PPP4R2: variants seen among roughly 807,000 people sequenced by gnomAD.
PPP4R2 encodes the protein serine/threonine-protein phosphatase 4 regulatory subunit 2.
A neutral mutation model predicts 47.2 loss-of-function variants in PPP4R2; 13 were observed. The observed-to-expected ratio is 0.28, with a 90% CI of 0.18 to 0.44. The LOEUF is 0.44. PPP4R2 is among the 20% of genes least tolerant of loss of function. PPP4R2 has a pLI of 1.00. For synonymous variants in PPP4R2, 151 were observed against 163.3 expected, an observed-to-expected ratio of 0.92 and a Z score of 0.57; for missense variants, 421 against 491.2, an observed-to-expected ratio of 0.86 and a Z score of 1.35.
chr3:73,030,814 G>C (rs944727485), intron 2 of PPP4R2, among the ~76,000 whole-genome samples: 1 of 151,810 alleles, frequency 6.6e-6, no homozygotes, highest in Non-Finnish European at 1.5e-5. Context: ...CAATTATCCT[G>C]CCTCAGCCTC....
At chr3:73,026,918 T>C (rs1457545300) in intron 2 of PPP4R2, among the ~76,000 whole-genome samples, 1 of 152,148 alleles carries the variant, frequency 6.6e-6, no homozygotes, top group Non-Finnish European at 1.5e-5. Context: ...CTGTTACTTA[T>C]TACCTGTGCA....
chr3:72,997,932 T>G, intron 1 of PPP4R2, 145 bp from the exon 2 acceptor site: 2 of 656,454 alleles, frequency 3.0e-6, no homozygotes, highest in Non-Finnish European at 2.7e-6. Context: ...ACTTGGAGGA[T>G]TGAGGTGGTA....
chr3:73,059,517 C>T (rs34660350), intron 4 of PPP4R2, among the ~76,000 whole-genome samples: 81,156 of 151,958 alleles, frequency 0.53, 22,022 homozygotes, highest in African/African-American at 0.62. Flanking sequence ...TGGAAACTTA[C>T]TGGTGCCAAG....
At chr3:73,046,950 A>C (rs1361382268) in intron 2 of PPP4R2, among the ~76,000 whole-genome samples, 1 of 152,180 alleles carries the variant, frequency 6.6e-6, no homozygotes, top group South Asian at 2.1e-4. Flanking sequence ...AGTTCATTTA[A>C]AAGATCTAAA....
chr3:73,036,297 A>T (rs1029117421), intron 2 of PPP4R2, among the ~76,000 whole-genome samples: 1 of 152,228 alleles, frequency 6.6e-6, no homozygotes, highest in Non-Finnish European at 1.5e-5. Flanking sequence ...ACAAAAGTAC[A>T]GTCAGATAAA....
chr3:73,062,072 G>C (rs1702871468), intron 5 of PPP4R2: 7 of 1,521,280 alleles, frequency 4.6e-6, no homozygotes, highest in Non-Finnish European at 5.3e-6. Flanking sequence ...TCAAGTCATA[G>C]CGACTAATAA....
In PPP4R2 at chr3:73,019,831, A is replaced by C. The variant is rs376369110; in HGVS notation, c.116+21673A>C. Among the ~76,000 whole-genome samples the C allele has an allele frequency of 2.5e-4, 38 of 152,150 alleles. 1 individual carries two copies. Among genetic ancestry groups the C allele is most frequent in the African/African-American group, 8.9e-4 (37 of 41,516 alleles). On this transcript the variant is annotated intron_variant, in intron 2 of 8. Coordinates refer to ENST00000356692, the MANE Select transcript of PPP4R2 (RefSeq NM_174907.4). ...ATGTCCAGATTCTGTCTATTTGTCC[A>C]CTTGGCTCTTGTCTGAGAGCTTCCC...
At chr3:73,040,596 C>T (rs926700158) in intron 2 of PPP4R2, among the ~76,000 whole-genome samples, 1 of 150,402 alleles carries the variant, frequency 6.6e-6, no homozygotes, top group African/African-American at 2.5e-5. Flanking sequence ...CCTCTGCCTC[C>T]TGGGTTCAAG....
chr3:73,048,164 C>T (rs1702526509), intron 3 of PPP4R2, among the ~76,000 whole-genome samples: 1 of 152,202 alleles, frequency 6.6e-6, no homozygotes, highest in African/African-American at 2.4e-5. Context: ...CGTGAGCCAC[C>T]ACGCCCGGCA....
chr3:73,068,226 TC>T lies in PPP4R2; in HGVS notation c.*2506del, dbSNP rs960480179. The T allele has an allele frequency of 6.6e-6, 1 of 152,094 alleles. No individual in the cohort carries two copies. Among genetic ancestry groups the T allele is most frequent in the African/African-American group, 2.4e-5 (1 of 41,406 alleles). The allele number at this position is 152,094 out of a possible 1,614,324, so 9.4% of individuals were successfully genotyped here. ...ATTTCTTAACATATATCAAGCAAAGTCCTGTTAAAAGATCTAAATGAAGAAT... is the reference window on the plus strand; with the variant it reads ...ATTTCTTAACATATATCAAGCAAAGTCTGTTAAAAGATCTAAATGAAGAAT... On this transcript the variant is annotated 3_prime_UTR_variant, in exon 9 of 9. Transcript: ENST00000356692.
In PPP4R2 at chr3:73,029,430, T is replaced by G. The variant is rs115003365; in HGVS notation, c.117-17756T>G. 3.1e-3 allele frequency among the ~76,000 whole-genome samples: 478 copies of G among 152,324 alleles called. 2 individuals carry two copies. The highest frequency in any genetic ancestry group is 5.4e-3 in the Non-Finnish European group (369 of 68,024). ...CAGGAGGTGTTAAGAATTAGTCACA[T>G]TGTGTATGTATTTTGAAGGTACAAC... On this transcript the variant is annotated intron_variant, in intron 2 of 8. Coordinates refer to ENST00000356692, the MANE Select transcript of PPP4R2 (RefSeq NM_174907.4).
At chr3:73,048,680 G>GT (rs1422307211) in intron 3 of PPP4R2, among the ~76,000 whole-genome samples, 2 of 152,180 alleles carry the variant, frequency 1.3e-5, no homozygotes, top group Non-Finnish European at 2.9e-5. Flanking sequence ...ATGAATTGTG[G>GT]TTTTTCTAAC....
chr3:73,021,848 A>ATGTGTGTG (rs34010770), intron 2 of PPP4R2, among the ~76,000 whole-genome samples: 35 of 131,004 alleles, frequency 2.7e-4, no homozygotes, highest in African/African-American at 7.3e-4. Context: ...ACATTTCTAT[A>ATGTGTGTG]TGTGTGTGTG....
At chr3:73,055,701 A>C (rs1702718582) in intron 3 of PPP4R2, among the ~76,000 whole-genome samples, 1 of 148,786 alleles carries the variant, frequency 6.7e-6, no homozygotes, top group East Asian at 2.0e-4. Flanking sequence ...CACTCTTATC[A>C]CCCAGGCTGG....
chr3:73,012,902 CTTTTTT>C (rs202207828), intron 2 of PPP4R2, among the ~76,000 whole-genome samples: 2 of 120,510 alleles, frequency 1.7e-5, no homozygotes, highest in African/African-American at 2.9e-5. Flanking sequence ...AGAATGTAGG[CTTTTTT>C]TTTTTTTTTT....
In PPP4R2 at chr3:73,059,061, A is replaced by G. The variant is rs767038770; in HGVS notation, c.312A>G (p.Leu104=). ...FNGIPFTIQR[L]CELLTDPRRN... ...GTATCCCTTTTACTATTCAGCGACTATGTGAATTGTTAACAGATCCAAGGA... is the reference window on the plus strand; with the variant it reads ...GTATCCCTTTTACTATTCAGCGACTGTGTGAATTGTTAACAGATCCAAGGA... Residue 104 remains leucine (L), a synonymous_variant, in exon 4 of 9, where the codon CTA becomes CTG. Transcript: ENST00000356692. The G allele has an allele frequency of 1.1e-5, 18 of 1,591,582 alleles. No homozygotes were observed. In the East Asian group the frequency reaches 2.2e-4, roughly 20 times the overall value.
chr3:73,034,132 G>T (rs1315035485), intron 2 of PPP4R2, among the ~76,000 whole-genome samples: 1 of 148,318 alleles, frequency 6.7e-6, no homozygotes, highest in East Asian at 2.3e-4. Flanking sequence ...TTTTCTGTGT[G>T]TGGGTGTGTG....
intron 2 of PPP4R2, chr3:73,015,708 G>C: frequency 3.1e-6 from 1 of 326,870 alleles, no homozygotes; most frequent in South Asian, 2.1e-5. Context: ...CGCCATCTCG[G>C]CTCACTGCAA....
intron 2 of PPP4R2, among the ~76,000 whole-genome samples, chr3:73,034,186 T>G (rs1018305321): frequency 1.3e-5 from 2 of 152,246 alleles, no homozygotes; most frequent in Non-Finnish European, 2.9e-5. Context: ...TTGAACCTCT[T>G]GTACTACTAT....
Sources: gnomAD v4.1 joint callset for allele counts (sites outside exome capture counted in the v4.1 genomes callset) on GRCh38, gnomAD v4.1.1 for gene constraint, MANE v1.5 for transcripts, NCBI Gene and HGNC (gene_info 2026-07-23, HGNC 2026-07-21) for gene names.